The following MFAP3L variants were observed in gnomAD, a reference collection of about 807,000 sequenced individuals.
MFAP3L encodes the protein microfibril associated protein 3 like, also known as microfibrillar-associated protein 3-like.
In MFAP3L, 5 loss-of-function variants were observed where a neutral mutation model predicts 20.0. The ratio of observed to expected loss-of-function variants is 0.25; its 90% CI spans 0.13 to 0.53. MFAP3L has a LOEUF of 0.53. MFAP3L is among the 20% of genes least tolerant of loss of function. The pLI is 0.96. For missense variants in MFAP3L, 409 were observed against 527.5 expected (o/e 0.78, Z 2.20); for synonymous variants, 219 against 213.0 (o/e 1.03, Z -0.25).
rs1737537111 is a variant in MFAP3L, at chr4:169,989,874, G to A, written c.*1504C>T. The A allele has an allele frequency of 6.6e-6, 1 of 152,122 alleles. No homozygotes were observed. Among genetic ancestry groups the A allele is most frequent in the Non-Finnish European group, 1.5e-5 (1 of 68,016 alleles). 9.4% of individuals were successfully genotyped at this position (152,122 alleles called of 1,614,324 possible). ...TGTGGTCCTAATGGTTTTTTTGGAA[G>A]GAGAAGATCCACAATTTGTTTAAAA... On this transcript the variant is annotated 3_prime_UTR_variant, in exon 3 of 3. Coordinates refer to ENST00000361618, the MANE Select transcript of MFAP3L (RefSeq NM_021647.8).
intron 2 of MFAP3L, among the ~76,000 whole-genome samples, chr4:170,003,063 A>C (rs1738781842): frequency 6.6e-6 from 1 of 152,028 alleles, no homozygotes; most frequent in South Asian, 2.1e-4. Flanking sequence ...TTTTCTGTGT[A>C]TTGCTTGGTT....
chr4:170,011,036 C>T (rs569635093), intron 1 of MFAP3L, among the ~76,000 whole-genome samples: 5 of 152,284 alleles, frequency 3.3e-5, no homozygotes, highest in Admixed American at 6.5e-5. Flanking sequence ...TAGTAAGTCT[C>T]ACGAGATCTA....
At chr4:170,022,356 C>T (rs1343523307) in intron 1 of MFAP3L, among the ~76,000 whole-genome samples, 2 of 152,150 alleles carry the variant, frequency 1.3e-5, no homozygotes, top group Non-Finnish European at 2.9e-5. Flanking sequence ...GTAAATCTGG[C>T]ATCGGTCTGT....
chr4:170,011,594 G>T (rs1739382814), intron 1 of MFAP3L, among the ~76,000 whole-genome samples: 1 of 152,182 alleles, frequency 6.6e-6, no homozygotes, highest in Non-Finnish European at 1.5e-5. Context: ...AAATTGATAT[G>T]CATTACCTGA....
At chr4:169,994,319 G>C in intron 2 of MFAP3L, 2 of 985,380 alleles carry the variant, frequency 2.0e-6, no homozygotes, top group East Asian at 1.1e-4. Context: ...CCACTTTTTG[G>C]AACAGTTATC....
chr4:170,005,396 G>A, intron 2 of MFAP3L, 184 bp downstream of exon 2: 2 of 714,848 alleles, frequency 2.8e-6, no homozygotes, highest in Non-Finnish European at 4.5e-6. Flanking sequence ...GTGTCAATGA[G>A]GGAAAAAAAT....
At chr4:170,010,163 A>G (rs1178657699) in intron 1 of MFAP3L, among the ~76,000 whole-genome samples, 4 of 152,196 alleles carry the variant, frequency 2.6e-5, no homozygotes, top group African/African-American at 9.7e-5. Flanking sequence ...ATGAATACTA[A>G]CTTTTCAAAA....
At chr4:170,010,748 G>A (rs561332741) in intron 1 of MFAP3L, among the ~76,000 whole-genome samples, 23 of 151,510 alleles carry the variant, frequency 1.5e-4, no homozygotes, top group African/African-American at 4.9e-4. Context: ...GTCAACAACC[G>A]GCTATTAGTA....
chr4:170,008,135 T>C (rs897104396), intron 1 of MFAP3L, among the ~76,000 whole-genome samples: 2 of 152,156 alleles, frequency 1.3e-5, no homozygotes, highest in African/African-American at 4.8e-5. Flanking sequence ...TGTTCTGAAA[T>C]GGAATCTAGT....
intron 2 of MFAP3L, chr4:170,002,070 T>TTGTGCA (rs1336618090): frequency 1.3e-5 from 13 of 985,268 alleles, no homozygotes; most frequent in African/African-American, 5.2e-5. Context: ...GAACGCCTTT[T>TTGTGCA]TGTGCATGTG....
At chr4:170,015,143 A>C (rs144720345) in intron 1 of MFAP3L, among the ~76,000 whole-genome samples, 136 of 152,336 alleles carry the variant, frequency 8.9e-4, no homozygotes, top group Non-Finnish European at 1.8e-3. Flanking sequence ...GTGATGTGTG[A>C]AGAGCAGATG....
chr4:170,019,519 G>C (rs972092190), intron 1 of MFAP3L, among the ~76,000 whole-genome samples: 3 of 152,176 alleles, frequency 2.0e-5, no homozygotes, highest in African/African-American at 7.2e-5. Flanking sequence ...ACTCCAGCCT[G>C]GGCAACAGAG....
At chr4:169,998,147 G>C (rs1020653394) in intron 2 of MFAP3L, among the ~76,000 whole-genome samples, 4 of 152,374 alleles carry the variant, frequency 2.6e-5, no homozygotes, top group African/African-American at 9.6e-5. Flanking sequence ...CGGGAAGGCA[G>C]CTGACCTGGG....
rs184835381 is a variant in MFAP3L, at chr4:169,987,211, T to C, written c.*4167A>G. The C allele has an allele frequency of 1.5e-3, 224 of 152,296 alleles. No individual in the cohort carries two copies. Among genetic ancestry groups the C allele is most frequent in the Non-Finnish European group, 2.5e-3 (167 of 68,024 alleles). 9.4% of individuals were successfully genotyped at this position (152,296 alleles called of 1,614,324 possible). The stretch of plus-strand genomic sequence containing the variant: ...TTGATCAATGAAGAAACCCTAAAAA[T>C]GTCATTAGGAAAATAAACTGTGCTA... On this transcript the variant is annotated 3_prime_UTR_variant, in exon 3 of 3. Coordinates refer to ENST00000361618, the MANE Select transcript of MFAP3L (RefSeq NM_021647.8).
At chr4:170,014,545 C>T (rs1018110210) in intron 1 of MFAP3L, among the ~76,000 whole-genome samples, 15 of 152,184 alleles carry the variant, frequency 9.9e-5, no homozygotes, top group Admixed American at 3.3e-4. Flanking sequence ...CCAGGCTGTG[C>T]GCGCTCTGCC....
chr4:170,026,053 A>AC (rs1730371965), intron 1 of MFAP3L, among the ~76,000 whole-genome samples, 181 bp downstream of exon 1: 1 of 150,390 alleles, frequency 6.6e-6, no homozygotes, highest in Admixed American at 6.6e-5. Flanking sequence ...GCATCCTGCG[A>AC]CCCCCTGGAG....
intron 2 of MFAP3L, among the ~76,000 whole-genome samples, chr4:170,004,333 T>G (rs1481881565): frequency 6.6e-6 from 1 of 152,174 alleles, no homozygotes; most frequent in Non-Finnish European, 1.5e-5. Context: ...TAATTTAACT[T>G]TGCTATGGTC....
Position 170,026,283 on chromosome 4 carries a change from C to G in MFAP3L, c.-183G>C, listed in dbSNP as rs1205008082. On this transcript the variant is annotated 5_prime_UTR_variant, in exon 1 of 3. Coordinates refer to ENST00000361618, the MANE Select transcript of MFAP3L (RefSeq NM_021647.8). Reference sequence around the variant, plus strand: ...GGCCGCCGTGCACCCCTCGCCATGGCCAGCCCGACAGCGGCCGCTGCGCCG... The same window carrying G: ...GGCCGCCGTGCACCCCTCGCCATGGGCAGCCCGACAGCGGCCGCTGCGCCG... 1.0e-6 allele frequency: 1 copy of G among 984,208 alleles called. No homozygotes were observed. The highest frequency in any genetic ancestry group is 1.8e-5 in the African/African-American group (1 of 57,128). The allele number at this position is 984,208 out of a possible 1,614,324, so 61.0% of individuals were successfully genotyped here.
In MFAP3L at chr4:170,026,324, G is replaced by C; in HGVS notation, c.-224C>G. The C allele has an allele frequency of 1.0e-6, 1 of 977,290 alleles. No individual in the cohort carries two copies. Among genetic ancestry groups the C allele is most frequent in the South Asian group, 4.7e-5 (1 of 21,162 alleles). The allele number at this position is 977,290 out of a possible 1,614,324, so 60.5% of individuals were successfully genotyped here. A position where few individuals can be genotyped will look rare whatever the true frequency, so the allele number is the denominator to read the frequency against. The stretch of plus-strand genomic sequence containing the variant: ...CGCTGCGCCGCACTCTGCGCCGGAC[G>C]CCCGGTAGCGCCTACTGCGGGCGAG... On this transcript the variant is annotated 5_prime_UTR_variant, in exon 1 of 3. Coordinates refer to ENST00000361618, the MANE Select transcript of MFAP3L (RefSeq NM_021647.8).
Sources: allele counts gnomAD v4.1 joint callset (sites outside exome capture counted in the v4.1 genomes callset), GRCh38; gene constraint gnomAD v4.1.1; transcripts MANE v1.5; gene names NCBI Gene and HGNC (gene_info 2026-07-23, HGNC 2026-07-21).